Variants in RECQL4 observed in about 807,000 individuals in gnomAD.
RECQL4 encodes the protein RecQ like helicase 4.
RECQL4 carries 158 observed loss-of-function variants against 128.6 expected under a neutral mutation model. That is an observed-to-expected ratio of 1.23 (90% CI 1.08 to 1.40). The LOEUF is 1.40. Among genes scored for constraint, RECQL4 ranks in the 40% most tolerant of loss-of-function variants. The pLI is 0.00. For missense variants in RECQL4, 2,293 were observed against 1,649.8 expected, an observed-to-expected ratio of 1.39 and a Z score of -6.75; for synonymous variants, 996 against 678.9, an observed-to-expected ratio of 1.47 and a Z score of -7.26.
In RECQL4 at chr8:144,516,140, G is replaced by C; in HGVS notation, c.979C>G (p.Gln327Glu). Residue 327 changes from glutamine to glutamate, a missense_variant, in exon 5 of 21, where the codon CAA becomes GAA. Coordinates refer to ENST00000617875, the MANE Select transcript of RECQL4 (RefSeq NM_004260.4). ...CCCTCAGCCTTCCCAGCCCTAGCTT[G>C]ACTGGAGGGGCTGAGTCCGTGGTAC... ...PRYHGLSPSS[Q>E]ARAGKAEGTA... The C allele has an allele frequency of 1.2e-6, 2 of 1,613,234 alleles. No homozygotes were observed. The highest frequency in any genetic ancestry group is 1.7e-6 in the Non-Finnish European group (2 of 1,179,886).
rs565909924 is a variant in RECQL4, at chr8:144,513,199, G to GT, written c.2463+18_2463+19insA. The stretch of plus-strand genomic sequence containing the variant: ...CTGGGGGCTCGAGCACTGGCAGTGT[G>GT]GGGGGGGGGGGTGCCAACCTGGGGC... On this transcript the variant is annotated intron_variant, in intron 14 of 20. Transcript: ENST00000617875. The GT allele has an allele frequency of 1.6e-3, 71 of 45,284 alleles. No individual in the cohort carries two copies. The highest frequency in any genetic ancestry group is 7.0e-3 in the African/African-American group (66 of 9,408). The allele number at this position is 45,284 out of a possible 1,614,324, so 2.8% of individuals were successfully genotyped here. A position where few individuals can be genotyped will look rare whatever the true frequency, so the allele number is the denominator to read the frequency against.
Position 144,514,082 on chromosome 8 carries a change from T to C in RECQL4, c.1904A>G (p.His635Arg), listed in dbSNP as rs1291839407. The C allele has an allele frequency of 6.3e-7, 1 of 1,596,548 alleles. No individual in the cohort carries two copies. The highest frequency in any genetic ancestry group is 8.5e-7 in the Non-Finnish European group (1 of 1,172,898). The change falls in exon 12 of 21, where the codon CAC becomes CGC. Residue 635 changes from histidine (H) to arginine (R), a missense_variant. His to Arg is a conservative substitution (Grantham distance 29, BLOSUM62 0). Coordinates refer to ENST00000617875, the MANE Select transcript of RECQL4 (RefSeq NM_004260.4). ...TGTGGCTGTGAGGCCCAGGAAGCAG[T>C]GCACGCCCATGCGCTCCCGAAGCAC... ...CKVLRERMGVHCFLGLTATAT... is the reference protein window; with the variant it reads ...CKVLRERMGVRCFLGLTATAT...
At position 144,514,473 on chromosome 8, in the gene RECQL4, G is replaced by T. The variant is rs1408470989; in HGVS notation, c.1673C>A (p.Thr558Asn). The change falls in exon 10 of 21, where the codon ACC becomes AAC. Residue 558 changes from threonine to asparagine, a missense_variant. Thr to Asn is a moderately conservative substitution (Grantham distance 65). Transcript: ENST00000617875. ...CAGGACAGATTCCCGTTGCTTCCTG[G>T]TCATGCCCGAGTGTATGCAGGCCGC... The part of the protein sequence containing the change: ...LKAACIHSGM[T>N]RKQRESVLQK... The T allele has an allele frequency of 6.2e-7, 1 of 1,612,192 alleles. No homozygotes were observed. The highest frequency in any genetic ancestry group is 8.5e-7 in the Non-Finnish European group (1 of 1,179,614).
In RECQL4 at chr8:144,517,514, T is replaced by C; in HGVS notation, c.119-6A>G. ...GCGGTATTCCCGGTAGAGCGCTGCG[T>C]GGGCGAGCGGGAGGCGGGGTCAGGG... is the stretch of plus-strand genomic sequence containing the variant. On this transcript the variant is annotated splice_region_variant and splice_polypyrimidine_tract_variant and intron_variant, in intron 2 of 20. Coordinates refer to ENST00000617875, the MANE Select transcript of RECQL4 (RefSeq NM_004260.4). 6.3e-7 allele frequency: 1 copy of C among 1,585,266 alleles called. No homozygotes were observed. Among genetic ancestry groups the C allele is most frequent in the Non-Finnish European group, 8.5e-7 (1 of 1,171,922 alleles).
At position 144,512,982 on chromosome 8, in the gene RECQL4, C is replaced by A; in HGVS notation, c.2620G>T (p.Val874Leu). 1 of 1,570,078 alleles carries A rather than the reference C, an allele frequency of 6.4e-7. No individual in the cohort carries two copies. The highest frequency in any genetic ancestry group is 8.6e-7 in the Non-Finnish European group (1 of 1,158,130). The change falls in exon 15 of 21, where the codon GTG (valine) becomes TTG (leucine). Residue 874 changes from valine (V) to leucine (L), a missense_variant. Coordinates refer to ENST00000617875, the MANE Select transcript of RECQL4 (RefSeq NM_004260.4). ...QEGAVGGERP[V>L]PKYPPQEAEQ... ...GCCTCTTGAGGGGGGTACTTGGGCA[C>A]AGGCCTCTCCCCACCCACGGCCCCT...
Position 144,516,326 on chromosome 8 carries a change from TC to T in RECQL4, c.792del (p.Trp264Ter). 1.9e-6 allele frequency: 3 copies of T among 1,609,806 alleles called. No individual in the cohort carries two copies. Among genetic ancestry groups the T allele is most frequent in the Non-Finnish European group, 2.5e-6 (3 of 1,179,342 alleles). ...PSSSGGEKRR[W>X]NEEPWESPAQ... ...GCGGGGCTCTCCCAGGGCTCCTCGT[TC>T]CATCTCCGCTTCTCGCCTCCACTGC... On this transcript the variant is annotated frameshift_variant, in exon 5 of 21. Transcript: ENST00000617875. LOFTEE classifies it high-confidence loss of function.
Position 144,513,472 on chromosome 8 carries a change from G to A in RECQL4, c.2209C>T (p.Pro737Ser), listed in dbSNP as rs550529518. The A allele has an allele frequency of 1.2e-6, 2 of 1,609,874 alleles. No homozygotes were observed. Among genetic ancestry groups the A allele is most frequent in the East Asian group, 2.2e-5 (1 of 44,878 alleles). ...TGGTAGGCCTCGGCTGTGGTTTTGG[G>A]GGCACGACCTTTGGGGAAGACAGGC... ...AWVPGSGGRA[P>S]KTTAEAYHAG... Residue 737 changes from proline to serine, a missense_variant, in exon 14 of 21, where the codon CCC (proline) becomes TCC (serine). By Grantham distance (74) the Pro-to-Ser change is moderately conservative (BLOSUM62 -1). Coordinates refer to ENST00000617875, the MANE Select transcript of RECQL4 (RefSeq NM_004260.4).
chr8:144,512,841 C>T lies in RECQL4; in HGVS notation c.2755+6G>A, dbSNP rs1827505860. On this transcript the variant is annotated splice_donor_region_variant and intron_variant, in intron 15 of 20. Transcript: ENST00000617875. The stretch of plus-strand genomic sequence containing the variant: ...ACACCCCTGTGGCTTACCCCAGGTT[C>T]CTCACCCTCCTCCGGCATGTCCAAA... The T allele has an allele frequency of 3.1e-6, 5 of 1,606,014 alleles. No homozygotes were observed. Among genetic ancestry groups the T allele is most frequent in the African/African-American group, 1.3e-5 (1 of 74,870 alleles).
rs777333651 is a variant in RECQL4 at position 144,515,454 on chromosome 8, C to T, written c.1262G>A (p.Ser421Asn). 2 of 1,612,716 alleles carry T rather than the reference C, an allele frequency of 1.2e-6. No individual in the cohort carries two copies. Among genetic ancestry groups the T allele is most frequent in the African/African-American group, 1.3e-5 (1 of 75,066 alleles). ...HWAAQCPRPA[S>N]EEDTDAVGPE... The stretch of plus-strand genomic sequence containing the variant: ...CCCAACAGCATCTGTGTCTTCCTCA[C>T]TTGCTGGGGCAGGCAGGAGAGGGTA... Residue 421 changes from serine (S) to asparagine (N), a missense_variant, in exon 7 of 21, where the codon AGT (serine) becomes AAT (asparagine). Transcript: ENST00000617875.
In RECQL4 at chr8:144,517,633, G is replaced by T. The variant is rs2130743879; in HGVS notation, c.87C>A (p.Asp29Glu). Residue 29 changes from aspartate to glutamate, a missense_variant and splice_region_variant, in exon 2 of 21, where the codon GAC (aspartate) becomes GAA (glutamate). Physicochemically the swap from Asp to Glu is conservative, Grantham distance 45 (BLOSUM62 2). Transcript: ENST00000617875. Reference protein sequence around the residue: ...RRQRGRRPSQDDVEAAPEETR... With the variant: ...RRQRGRRPSQEDVEAAPEETR... ...TCTCCTCCGGCGCCGCCTCCACGTCGTCCTGTAAAGGGAACGCGTCAGCCG... is the reference window on the plus strand; with the variant it reads ...TCTCCTCCGGCGCCGCCTCCACGTCTTCCTGTAAAGGGAACGCGTCAGCCG... 6.7e-7 allele frequency: 1 copy of T among 1,485,252 alleles called. No individual in the cohort carries two copies. The highest frequency in any genetic ancestry group is 1.3e-5 in the South Asian group (1 of 78,758). The allele number at this position is 1,485,252 out of a possible 1,614,324, so 92.0% of individuals were successfully genotyped here.
rs560394637 is a variant in RECQL4, at chr8:144,512,680, G to A, written c.2847C>T (p.Cys949=). 14 of 1,612,584 alleles carry A rather than the reference G, an allele frequency of 8.7e-6. No individual in the cohort carries two copies. The highest frequency in any genetic ancestry group is 1.3e-5 in the African/African-American group (1 of 75,080). ...ATTYTHCRLN[C]PGGPAQLQAL... ...CCTGGAGCTGGGCAGGGCCCCCAGG[G>A]CAGTTCAGACGGCAATGGGTATAGG... The change falls in exon 16 of 21, where the codon TGC becomes TGT. Residue 949 remains cysteine (C), a synonymous_variant. Transcript: ENST00000617875.
chr8:144,517,561 C>T, intron 2 of RECQL4, 41 bp downstream of exon 2: 1 of 1,507,018 alleles, frequency 6.6e-7, no homozygotes, highest in Non-Finnish European at 8.8e-7. Context: ...CCCCTGCCGA[C>T]CCGGTGTCTT....
At chr8:144,515,928 A>T in intron 5 of RECQL4, 38 bp from the exon 6 acceptor site, 1 of 1,612,540 alleles carries the variant, frequency 6.2e-7, no homozygotes, top group Non-Finnish European at 8.5e-7. Flanking sequence ...CTGGGCGGGA[A>T]ATACGGGAGG....
At position 144,513,130 on chromosome 8, in the gene RECQL4, G is replaced by A. The variant is rs374639679; in HGVS notation, c.2472C>T (p.Asp824=). 8.3e-6 allele frequency: 13 copies of A among 1,560,776 alleles called. No homozygotes were observed. Among genetic ancestry groups the A allele is most frequent in the East Asian group, 2.3e-5 (1 of 43,882 alleles). Residue 824 remains aspartate, a synonymous_variant, in exon 15 of 21, where the codon GAC becomes GAT. Transcript: ENST00000617875. Reference sequence around the variant, plus strand: ...GCACATGTCTGCGCAGCTCTCGCAGGTCTTCGCCCTGCAGGGCAACTTTCA... The same window carrying A: ...GCACATGTCTGCGCAGCTCTCGCAGATCTTCGCCCTGCAGGGCAACTTTCA... ...CHLFLQPQGE[D]LRELRRHVHA...
Position 144,511,320 on chromosome 8 carries a change from T to C in RECQL4, c.*111A>G. ...AAAGTGAGCATTTTTTATTCTGCAT[T>C]TTGGAGCCTCCTCGTTCCCACACCC... On this transcript the variant is annotated 3_prime_UTR_variant, in exon 21 of 21. Transcript: ENST00000617875. The C allele has an allele frequency of 6.4e-7, 1 of 1,558,702 alleles. No individual in the cohort carries two copies. Among genetic ancestry groups the C allele is most frequent in the Non-Finnish European group, 8.7e-7 (1 of 1,149,026 alleles).
chr8:144,515,461 G>A lies in RECQL4; in HGVS notation c.1259-4C>T, dbSNP rs756804943. The A allele has an allele frequency of 4.3e-6, 7 of 1,612,510 alleles. No individual in the cohort carries two copies. Among genetic ancestry groups the A allele is most frequent in the Non-Finnish European group, 4.2e-6 (5 of 1,179,824 alleles). Reference sequence around the variant, plus strand: ...GCATCTGTGTCTTCCTCACTTGCTGGGGCAGGCAGGAGAGGGTAGAATGGG... The same window carrying A: ...GCATCTGTGTCTTCCTCACTTGCTGAGGCAGGCAGGAGAGGGTAGAATGGG... On this transcript the variant is annotated splice_region_variant and splice_polypyrimidine_tract_variant and intron_variant, in intron 6 of 20. Coordinates refer to ENST00000617875, the MANE Select transcript of RECQL4 (RefSeq NM_004260.4).
Position 144,512,259 on chromosome 8 carries a change from C to T in RECQL4, c.3121G>A (p.Gly1041Arg), listed in dbSNP as rs2130659641. 6.2e-7 allele frequency: 1 copy of T among 1,612,516 alleles called. No individual in the cohort carries two copies. The highest frequency in any genetic ancestry group is 1.1e-5 in the South Asian group (1 of 91,090). Residue 1041 changes from glycine to arginine, a missense_variant, in exon 18 of 21, where the codon GGG becomes AGG. Transcript: ENST00000617875. ...TCCTTCTCCTCAGCGGTCAAGTCCCCCGGGCTGCGAAGGTGGAAGGCCAGC... is the reference window on the plus strand; with the variant it reads ...TCCTTCTCCTCAGCGGTCAAGTCCCTCGGGCTGCGAAGGTGGAAGGCCAGC... ...SELAFHLRSPGDLTAEEKDQI... is the reference protein window; with the variant it reads ...SELAFHLRSPRDLTAEEKDQI...
intron 16 of RECQL4, 32 bp from the exon 17 acceptor site, chr8:144,512,593 A>G: frequency 6.2e-7 from 1 of 1,612,090 alleles, no homozygotes; most frequent in Non-Finnish European, 8.5e-7. Flanking sequence ...CATGTGGCCA[A>G]CAGCCCTGAT....
rs1167670319 is a variant in RECQL4, at chr8:144,513,042, T to G, written c.2560A>C (p.Thr854Pro). Residue 854 changes from threonine to proline, a missense_variant, in exon 15 of 21, where the codon ACC (threonine) becomes CCC (proline). Physicochemically the swap from Thr to Pro is conservative, Grantham distance 38. Coordinates refer to ENST00000617875, the MANE Select transcript of RECQL4 (RefSeq NM_004260.4). ...RLVQRVFPAC[T>P]CTCTRPPSEQ... The stretch of plus-strand genomic sequence containing the variant: ...GAGGGCGGCCTGGTGCAGGTGCAGG[T>G]GCAGGCTGGGAACACGCGCTGTACC... 6.3e-7 allele frequency: 1 copy of G among 1,576,396 alleles called. No individual in the cohort carries two copies. Among genetic ancestry groups the G allele is most frequent in the African/African-American group, 1.3e-5 (1 of 74,220 alleles).
Sources: allele counts gnomAD v4.1 joint callset, GRCh38; gene constraint gnomAD v4.1.1; transcripts MANE v1.5; gene names NCBI Gene and HGNC (gene_info 2026-07-23, HGNC 2026-07-21).